The following EXOC4 variants were observed in gnomAD, a reference collection of about 807,000 sequenced individuals.
EXOC4 encodes the protein SEC8-like 1.
EXOC4 carries 71 observed loss-of-function variants against 107.2 expected under a neutral mutation model. The ratio of observed to expected loss-of-function variants is 0.66; its 90% CI spans 0.55 to 0.81. EXOC4 has a LOEUF of 0.81. Among genes scored for constraint, EXOC4 ranks in the 30% least tolerant of loss-of-function variants. The probability of loss-of-function intolerance (pLI) is 0.00; values close to 1 mark genes in which losing one functional copy is unlikely to be tolerated. For missense variants in EXOC4, 1,108 were observed against 1,189.6 expected (o/e 0.93, Z 1.01); for synonymous variants, 456 against 441.2 (o/e 1.03, Z -0.42).
intron 4 of EXOC4, among the ~76,000 whole-genome samples, chr7:133,314,462 TA>T (rs1794945013): frequency 2.6e-5 from 4 of 152,204 alleles, no homozygotes; most frequent in Non-Finnish European, 5.9e-5. Flanking sequence ...ATTGACTTTC[TA>T]AAAGTTTATT....
chr7:133,997,716 C>A, intron 15 of EXOC4, 83 bp downstream of exon 15: 1 of 1,459,456 alleles, frequency 6.9e-7, no homozygotes, highest in Non-Finnish European at 9.3e-7. Context: ...GGCAGTATCA[C>A]CATAATTTCT....
At chr7:133,783,525 G>C (rs893129131) in intron 10 of EXOC4, among the ~76,000 whole-genome samples, 2 of 152,220 alleles carry the variant, frequency 1.3e-5, no homozygotes, top group Admixed American at 6.5e-5. Context: ...CAGAGGGCCA[G>C]AATGTTCATA....
chr7:133,638,875 A>AT lies in EXOC4; in HGVS notation c.1514+8743dup, dbSNP rs143533111. ...GCAGGTTTTCGTCTCTTTATCAATTATTTTTTTTTATTATCGATTAACCTT... is the reference window on the plus strand; with the variant it reads ...GCAGGTTTTCGTCTCTTTATCAATTATTTTTTTTTTATTATCGATTAACCTT... On this transcript the variant is annotated intron_variant, in intron 10 of 17. Coordinates refer to ENST00000253861, the MANE Select transcript of EXOC4 (RefSeq NM_021807.4). Among the ~76,000 whole-genome samples, 118 of 151,718 alleles carry AT rather than the reference A, an allele frequency of 7.8e-4. 1 individual carries two copies. The highest frequency in any genetic ancestry group is 2.5e-3 in the African/African-American group (103 of 41,402).
intron 9 of EXOC4, among the ~76,000 whole-genome samples, chr7:133,626,130 C>T (rs553521052): frequency 6.6e-6 from 1 of 152,170 alleles, no homozygotes; most frequent in African/African-American, 2.4e-5. Context: ...TCGCTTGAAC[C>T]TGGGAGGCGG....
chr7:133,698,280 A>G (rs867112188), intron 10 of EXOC4, among the ~76,000 whole-genome samples: 2 of 151,956 alleles, frequency 1.3e-5, no homozygotes, highest in African/African-American at 4.8e-5. Flanking sequence ...TAGTGCCTTC[A>G]CTTCTGTGTT....
intron 9 of EXOC4, among the ~76,000 whole-genome samples, chr7:133,495,705 G>T (rs1026189330): frequency 6.6e-6 from 1 of 152,134 alleles, no homozygotes; most frequent in Non-Finnish European, 1.5e-5. Flanking sequence ...ATGACTATAG[G>T]ACAATTCATT....
intron 14 of EXOC4, among the ~76,000 whole-genome samples, chr7:133,964,219 C>G (rs1801010668): frequency 6.6e-6 from 1 of 152,150 alleles, no homozygotes; most frequent in African/African-American, 2.4e-5. Context: ...AGAATTCAGA[C>G]CTCCTGGCTC....
chr7:133,432,943 T>C (rs1797887918), intron 7 of EXOC4, among the ~76,000 whole-genome samples: 1 of 152,258 alleles, frequency 6.6e-6, no homozygotes, highest in Non-Finnish European at 1.5e-5. Context: ...ATAGCTGTAA[T>C]GTATTACCCT....
chr7:133,486,339 G>T (rs1397508440), intron 9 of EXOC4, among the ~76,000 whole-genome samples: 7 of 152,114 alleles, frequency 4.6e-5, no homozygotes, highest in Non-Finnish European at 1.0e-4. Flanking sequence ...CTACTAAAAG[G>T]ATTTATAATA....
At chr7:133,399,208 C>T (rs1053617748) in intron 7 of EXOC4, among the ~76,000 whole-genome samples, 19 of 152,084 alleles carry the variant, frequency 1.2e-4, no homozygotes, top group South Asian at 2.1e-4. Context: ...AAGTAGATGC[C>T]GGAATTGCTG....
At chr7:133,884,235 C>A (rs1799028949) in intron 11 of EXOC4, among the ~76,000 whole-genome samples, 1 of 152,184 alleles carries the variant, frequency 6.6e-6, no homozygotes, top group African/African-American at 2.4e-5. Context: ...TATGGGCTTA[C>A]ATACAGGGGA....
intron 11 of EXOC4, among the ~76,000 whole-genome samples, chr7:133,881,264 C>T (rs576354039): frequency 4.0e-5 from 6 of 151,374 alleles, no homozygotes; most frequent in African/African-American, 1.5e-4. Context: ...GCATACATAC[C>T]CCCCCAACCC....
chr7:133,401,573 G>C (rs891407073), intron 7 of EXOC4, among the ~76,000 whole-genome samples: 2 of 151,426 alleles, frequency 1.3e-5, no homozygotes, highest in African/African-American at 4.9e-5. Flanking sequence ...AAAGTGGAAG[G>C]ATTGCTTGAA....
At chr7:133,868,443 C>T (rs1798686480) in intron 11 of EXOC4, among the ~76,000 whole-genome samples, 1 of 152,190 alleles carries the variant, frequency 6.6e-6, no homozygotes, top group Admixed American at 6.5e-5. Flanking sequence ...TGCAATCTGC[C>T]AGTCCAGAGA....
At chr7:133,326,271 G>T (rs555050423) in intron 5 of EXOC4, among the ~76,000 whole-genome samples, 10 of 152,226 alleles carry the variant, frequency 6.6e-5, no homozygotes, top group Non-Finnish European at 1.5e-4. Flanking sequence ...TTCCTTTGGA[G>T]GGGGAGAGGC....
intron 11 of EXOC4, among the ~76,000 whole-genome samples, chr7:133,865,980 CATTT>C (rs780042509): frequency 7.9e-5 from 12 of 152,116 alleles, no homozygotes; most frequent in Non-Finnish European, 1.8e-4. Context: ...AGATTATAGT[CATTT>C]ATCAATATTT....
intron 9 of EXOC4, among the ~76,000 whole-genome samples, chr7:133,534,124 C>T (rs190172290): frequency 5.9e-5 from 9 of 152,154 alleles, no homozygotes; most frequent in Non-Finnish European, 1.0e-4. Context: ...ATAATCAAAC[C>T]GTAGCCTCTG....
Position 133,765,605 on chromosome 7 carries a change from G to A in EXOC4, c.1515-51720G>A, listed in dbSNP as rs187215146. ...TGTGGTATTTTAAGATCTTTGTGTA[G>A]CATAGCATTGTGATGTTAAAGTTTA... On this transcript the variant is annotated intron_variant, in intron 10 of 17. Coordinates refer to ENST00000253861, the MANE Select transcript of EXOC4 (RefSeq NM_021807.4). 2.1e-4 allele frequency among the ~76,000 whole-genome samples: 32 copies of A among 152,126 alleles called. 1 individual carries two copies. The East Asian group carries it at 6.0e-3, about 29-fold the overall frequency.
At chr7:133,446,647 G>T (rs755075573) in intron 7 of EXOC4, among the ~76,000 whole-genome samples, 18 of 152,142 alleles carry the variant, frequency 1.2e-4, no homozygotes, top group Non-Finnish European at 1.9e-4. Flanking sequence ...CGTAACTTTA[G>T]ATTTTGTTCA....
Sources: gnomAD v4.1 joint callset for allele counts (sites outside exome capture counted in the v4.1 genomes callset) on GRCh38, gnomAD v4.1.1 for gene constraint, MANE v1.5 for transcripts, NCBI Gene and HGNC (gene_info 2026-07-23, HGNC 2026-07-21) for gene names.